Variants in GPHN observed in about 807,000 individuals in gnomAD.
The protein encoded by GPHN is gephyrin.
GPHN carries 17 observed loss-of-function variants against 95.5 expected under a neutral mutation model. The ratio of observed to expected loss-of-function variants is 0.18; its 90% CI spans 0.12 to 0.27. GPHN has a LOEUF of 0.27. Ranked by LOEUF, GPHN falls within the 10% of genes least tolerant of loss-of-function variation. The pLI is 1.00. For missense variants in GPHN, 660 were observed against 978.1 expected (o/e 0.67, Z 4.34); for synonymous variants, 320 against 322.5 (o/e 0.99, Z 0.08).
At chr14:67,551,715 C>T in the GPHN span, among the ~76,000 whole-genome samples, 1 of 152,044 alleles carries the variant, frequency 6.6e-6, no homozygotes, top group East Asian at 1.9e-4. Context: ...ATGGAGAAAC[C>T]CCATCTCTAC....
At chr14:67,425,106 A>G in the GPHN span, among the ~76,000 whole-genome samples, 1 of 152,146 alleles carries the variant, frequency 6.6e-6, no homozygotes, top group African/African-American at 2.4e-5. Context: ...GGTTTTAGAG[A>G]CAGGGTCTCA....
the GPHN span, among the ~76,000 whole-genome samples, chr14:67,394,294 A>G: frequency 2.6e-4 from 40 of 152,214 alleles, no homozygotes; most frequent in Non-Finnish European, 3.2e-4. Context: ...GCTTTGGGAT[A>G]CTGAGGTGGG....
At chr14:67,681,548 C>T in the GPHN span, among the ~76,000 whole-genome samples, 2 of 152,130 alleles carry the variant, frequency 1.3e-5, no homozygotes, top group African/African-American at 2.4e-5. Flanking sequence ...TTTGGGAGGC[C>T]GAGGAGGGGG....
At chr14:66,814,021 A>C (rs1419282766) in intron 3 of GPHN, among the ~76,000 whole-genome samples, 2 of 152,038 alleles carry the variant, frequency 1.3e-5, no homozygotes, top group East Asian at 3.9e-4. Context: ...CACTCCCCAC[A>C]TCACTTTGCT....
intron 4 of GPHN, among the ~76,000 whole-genome samples, chr14:66,832,493 GA>G: frequency 6.6e-6 from 1 of 152,258 alleles, no homozygotes; most frequent in Admixed American, 6.5e-5. Context: ...GACTTGTCTT[GA>G]AACAGCCAGA....
Position 66,991,160 on chromosome 14 carries a change from TAAA to T in GPHN, c.963+25838_963+25840del, listed in dbSNP as rs531648857. Among the ~76,000 whole-genome samples, 1,393 of 152,268 alleles carry T rather than the reference TAAA, an allele frequency of 9.1e-3. 25 individuals are homozygous for T. Among genetic ancestry groups the T allele is most frequent in the African/African-American group, 0.03 (1,265 of 41,578 alleles). On this transcript the variant is annotated intron_variant, in intron 9 of 22. Transcript: ENST00000478722. ...TGTATTAGATTATTGATTTTTAACT[TAAA>T]AATGCATCATCTTTTTCTCTATATC...
chr14:66,838,289 A>G (rs1002130468), intron 4 of GPHN, among the ~76,000 whole-genome samples: 8 of 152,266 alleles, frequency 5.3e-5, no homozygotes, highest in Admixed American at 5.2e-4. Context: ...AATCTTTGCT[A>G]TTGTTATCTA....
rs180685189 is a variant in GPHN at position 67,110,717 on chromosome 14, A to C, written c.1413+458A>C. Among the ~76,000 whole-genome samples the C allele has an allele frequency of 9.8e-4, 149 of 152,320 alleles. 2 individuals carry two copies. Among genetic ancestry groups the C allele is most frequent in the Non-Finnish European group, 1.0e-4 (7 of 68,022 alleles). On this transcript the variant is annotated intron_variant, in intron 14 of 22. Coordinates refer to ENST00000478722, the MANE Select transcript of GPHN (RefSeq NM_020806.5). ...GAATTTACTAGAGAAGAATTTAACA[A>C]AGAGCACTTGGGCAAGTTCTTGAAT...
the GPHN span, chr14:67,559,668 T>C: frequency 6.2e-7 from 1 of 1,606,378 alleles, no homozygotes; most frequent in East Asian, 2.2e-5. Flanking sequence ...GATCAAGGAA[T>C]GGGTGACACT....
At chr14:67,538,942 G>C in the GPHN span, among the ~76,000 whole-genome samples, 1 of 152,110 alleles carries the variant, frequency 6.6e-6, no homozygotes, top group Non-Finnish European at 1.5e-5. Flanking sequence ...GATAATTTGG[G>C]TTTTCACTCT....
At chr14:67,373,441 A>G in the GPHN span, among the ~76,000 whole-genome samples, 1 of 152,236 alleles carries the variant, frequency 6.6e-6, no homozygotes, top group Non-Finnish European at 1.5e-5. Context: ...GGCATTTGAC[A>G]AAATTTGTCA....
intron 3 of GPHN, among the ~76,000 whole-genome samples, chr14:66,784,567 TAACAC>T (rs1379973828): frequency 2.0e-5 from 3 of 152,194 alleles, no homozygotes; most frequent in Non-Finnish European, 4.4e-5. Flanking sequence ...TGTACATACT[TAACAC>T]AATCATATTT....
chr14:66,825,601 G>A (rs2061360111), intron 4 of GPHN, among the ~76,000 whole-genome samples: 1 of 150,974 alleles, frequency 6.6e-6, no homozygotes, highest in African/African-American at 2.4e-5. Flanking sequence ...TGATGCAGAT[G>A]TTGTCGTTGT....
At chr14:66,926,367 A>T (rs2066482418) in intron 8 of GPHN, among the ~76,000 whole-genome samples, 1 of 152,218 alleles carries the variant, frequency 6.6e-6, no homozygotes, top group Admixed American at 6.5e-5. Flanking sequence ...GTGGTTTCAT[A>T]GTTTCAAGTC....
intron 21 of GPHN, among the ~76,000 whole-genome samples, chr14:67,172,622 G>A (rs947328461): frequency 2.0e-5 from 3 of 152,134 alleles, no homozygotes; most frequent in Non-Finnish European, 2.9e-5. Context: ...CAGTGGCTGA[G>A]CTGAGACACC....
intron 8 of GPHN, among the ~76,000 whole-genome samples, chr14:66,950,715 A>C (rs892742102): frequency 6.6e-6 from 1 of 152,186 alleles, no homozygotes; most frequent in African/African-American, 2.4e-5. Flanking sequence ...GCAAGAACAC[A>C]TGAGCACACA....
intron 1 of GPHN, among the ~76,000 whole-genome samples, chr14:66,659,185 C>T (rs901050980): frequency 4.6e-5 from 7 of 150,752 alleles, no homozygotes; most frequent in Admixed American, 1.3e-4. Context: ...TGTGTGCACG[C>T]GTTTAATTTC....
At chr14:66,760,186 C>T (rs1412335298) in intron 2 of GPHN, among the ~76,000 whole-genome samples, 1 of 152,258 alleles carries the variant, frequency 6.6e-6, no homozygotes, top group African/African-American at 2.4e-5. Flanking sequence ...TGTTAACTTT[C>T]TATCTAGCAC....
intron 4 of GPHN, among the ~76,000 whole-genome samples, chr14:66,851,650 A>C (rs1004324138): frequency 2.0e-5 from 3 of 152,108 alleles, no homozygotes; most frequent in African/African-American, 7.2e-5. Context: ...GTTTTGAGGG[A>C]GTGGCAAGAG....
Sources: gnomAD v4.1 joint callset for allele counts (sites outside exome capture counted in the v4.1 genomes callset) on GRCh38, gnomAD v4.1.1 for gene constraint, MANE v1.5 for transcripts, NCBI Gene and HGNC (gene_info 2026-07-23, HGNC 2026-07-21) for gene names.